Variants in PCDH9 observed in about 807,000 individuals in gnomAD.
PCDH9 encodes the protein protocadherin 9, also known as protocadherin-9.
PCDH9 carries 24 observed loss-of-function variants against 70.6 expected under a neutral mutation model. That is an observed-to-expected ratio of 0.34 (90% confidence interval 0.25 to 0.48). The LOEUF is 0.48. Among genes scored for constraint, PCDH9 ranks in the 20% least tolerant of loss-of-function variants. The pLI, the probability that PCDH9 is intolerant of heterozygous loss-of-function variation, is 0.99. For missense variants in PCDH9, 1,281 were observed against 1,503.6 expected (o/e 0.85, Z 2.45); for synonymous variants, 562 against 558.5 (o/e 1.01, Z -0.09).
intron 3 of PCDH9, among the ~76,000 whole-genome samples, chr13:66,655,644 A>T (rs2077918504): frequency 6.6e-6 from 1 of 152,162 alleles, no homozygotes; most frequent in Non-Finnish European, 1.5e-5. Context: ...AGGCTTAGCA[A>T]TATTAAAATC....
intron 3 of PCDH9, among the ~76,000 whole-genome samples, chr13:66,752,419 C>A (rs2079474961): frequency 6.6e-6 from 1 of 152,184 alleles, no homozygotes; most frequent in Non-Finnish European, 1.5e-5. Context: ...ATCTCAGCCT[C>A]CCAAGTAGCT....
intron 4 of PCDH9, among the ~76,000 whole-genome samples, chr13:66,353,708 C>T (rs1183888275): frequency 6.6e-6 from 1 of 151,500 alleles, no homozygotes; most frequent in African/African-American, 2.4e-5. Flanking sequence ...ATTTTTTTTT[C>T]ATAGTTGTAA....
Position 66,335,078 on chromosome 13 carries a change from C to T in PCDH9, c.3341-30050G>A, listed in dbSNP as rs1232030213. On this transcript the variant is annotated intron_variant, in intron 4 of 4. Coordinates refer to ENST00000377865, the MANE Select transcript of PCDH9 (RefSeq NM_203487.3). ...AATTCATCTAAATAGCCTTCAAACCCTTGGTGTTTTCATCACATCACAGTA... is the reference window on the plus strand; with the variant it reads ...AATTCATCTAAATAGCCTTCAAACCTTTGGTGTTTTCATCACATCACAGTA... Among the ~76,000 whole-genome samples the T allele has an allele frequency of 2.6e-5, 4 of 152,008 alleles. No individual in the cohort carries two copies. The South Asian group carries it at 8.3e-4, about 32-fold the overall frequency.
At chr13:67,057,988 ATTCCCAAT>A (rs1391553619) in intron 2 of PCDH9, among the ~76,000 whole-genome samples, 1 of 152,168 alleles carries the variant, frequency 6.6e-6, no homozygotes, top group Non-Finnish European at 1.5e-5. Context: ...TTTCTTACAC[ATTCCCAAT>A]TTATATCCAA....
chr13:66,559,603 A>T (rs1462278851), intron 4 of PCDH9, among the ~76,000 whole-genome samples: 4 of 151,878 alleles, frequency 2.6e-5, no homozygotes, highest in Non-Finnish European at 4.4e-5. Flanking sequence ...GATCGAGACC[A>T]TCCTGGCTAA....
At chr13:66,485,314 T>C (rs937886274) in intron 4 of PCDH9, among the ~76,000 whole-genome samples, 4 of 152,222 alleles carry the variant, frequency 2.6e-5, no homozygotes, top group Non-Finnish European at 4.4e-5. Context: ...AATTTACCTT[T>C]AAAGGTTTAT....
At chr13:67,170,303 A>G (rs945195677) in intron 2 of PCDH9, among the ~76,000 whole-genome samples, 7 of 152,222 alleles carry the variant, frequency 4.6e-5, no homozygotes, top group African/African-American at 1.7e-4. Flanking sequence ...GCTGTAGATA[A>G]CACCTGTTTG....
chr13:66,535,594 T>G (rs1313601341), intron 4 of PCDH9, among the ~76,000 whole-genome samples: 1 of 152,072 alleles, frequency 6.6e-6, no homozygotes, highest in African/African-American at 2.4e-5. Context: ...GAATTGCCAC[T>G]TTCCAGAATT....
chr13:66,535,276 A>G (rs1452355438), intron 4 of PCDH9, among the ~76,000 whole-genome samples: 1 of 152,080 alleles, frequency 6.6e-6, no homozygotes, highest in African/African-American at 2.4e-5. Context: ...TTTCTTTTGC[A>G]GCTATTTACC....
intron 2 of PCDH9, among the ~76,000 whole-genome samples, chr13:67,112,894 AATTTTTTGTT>A (rs1292765829): frequency 2.9e-4 from 44 of 150,880 alleles, no homozygotes; most frequent in African/African-American, 1.0e-3. Flanking sequence ...AATTTTTTGT[AATTTTTTGTT>A]ATTTTTTGTA....
At chr13:66,335,372 G>A (rs1490831067) in intron 4 of PCDH9, among the ~76,000 whole-genome samples, 1 of 151,928 alleles carries the variant, frequency 6.6e-6, no homozygotes, top group Non-Finnish European at 1.5e-5. Flanking sequence ...ATAATATTTA[G>A]GTATTTCGTA....
At chr13:66,992,920 T>A (rs1275764176) in intron 2 of PCDH9, among the ~76,000 whole-genome samples, 6 of 148,146 alleles carry the variant, frequency 4.1e-5, no homozygotes, top group African/African-American at 1.5e-4. Context: ...AAAAAAAAGA[T>A]CCTGAATGGA....
At chr13:66,744,342 G>A (rs905480657) in intron 3 of PCDH9, among the ~76,000 whole-genome samples, 10 of 152,096 alleles carry the variant, frequency 6.6e-5, no homozygotes, top group East Asian at 1.9e-4. Flanking sequence ...TACATGGATC[G>A]CATGCATAAA....
chr13:67,127,694 G>GTA (rs1441080556), intron 2 of PCDH9, among the ~76,000 whole-genome samples: 1 of 151,068 alleles, frequency 6.6e-6, no homozygotes, highest in Admixed American at 6.6e-5. Context: ...GTGTGTGTGT[G>GTA]TGTGTGTATG....
chr13:67,190,331 AATG>A (rs771587176), intron 2 of PCDH9, among the ~76,000 whole-genome samples: 6 of 152,036 alleles, frequency 3.9e-5, no homozygotes, highest in Non-Finnish European at 8.8e-5. Context: ...ACAGAATATC[AATG>A]TTTGTTAAGT....
chr13:66,694,134 T>C (rs1163388256), intron 3 of PCDH9, among the ~76,000 whole-genome samples: 1 of 152,224 alleles, frequency 6.6e-6, no homozygotes, highest in East Asian at 1.9e-4. Context: ...AAGTCATCTA[T>C]GGGTGACATT....
At chr13:66,730,896 T>TTTG (rs1402385544) in intron 3 of PCDH9, among the ~76,000 whole-genome samples, 5 of 75,646 alleles carry the variant, frequency 6.6e-5, no homozygotes, top group Non-Finnish European at 1.5e-4. Context: ...TGTTTGTTTC[T>TTTG]TTTTTTTTGT....
At chr13:67,214,937 T>TATATAG (rs1161377055) in intron 2 of PCDH9, 1 of 38,358 alleles carries the variant, frequency 2.6e-5, no homozygotes, top group African/African-American at 7.6e-5. Context: ...GCGAGCCAGA[T>TATATAG]ATATATATAT....
intron 3 of PCDH9, among the ~76,000 whole-genome samples, chr13:66,803,034 G>T (rs1432055679): frequency 2.0e-5 from 3 of 152,048 alleles, no homozygotes; most frequent in African/African-American, 7.2e-5. Context: ...TTATTAAATT[G>T]AAGTATGTCG....
Sources: allele counts gnomAD v4.1 joint callset (sites outside exome capture counted in the v4.1 genomes callset), GRCh38; gene constraint gnomAD v4.1.1; transcripts MANE v1.5; gene names NCBI Gene and HGNC (gene_info 2026-07-23, HGNC 2026-07-21).